ZMAT4: variants seen among roughly 807,000 people sequenced by gnomAD.
ZMAT4 encodes the protein zinc finger matrin-type 4.
ZMAT4 carries 17 observed loss-of-function variants against 28.7 expected under a neutral mutation model. The ratio of observed to expected loss-of-function variants is 0.59; its 90% confidence interval spans 0.41 to 0.89. The LOEUF (loss-of-function observed/expected upper bound fraction) is 0.89. Among genes scored for constraint, ZMAT4 ranks in the 40% least tolerant of loss-of-function variants. The pLI is 0.00. For missense variants in ZMAT4, 240 were observed against 283.8 expected, an observed-to-expected ratio of 0.85 and a Z score of 1.11; for synonymous variants, 117 against 109.2, an observed-to-expected ratio of 1.07 and a Z score of -0.44.
intron 5 of ZMAT4, among the ~76,000 whole-genome samples, chr8:40,666,008 C>T (rs1341520257): frequency 6.6e-6 from 1 of 152,048 alleles, no homozygotes; most frequent in East Asian, 1.9e-4. Flanking sequence ...TCCTCTGCAA[C>T]AATAAAATAA....
intron 1 of ZMAT4, among the ~76,000 whole-genome samples, chr8:40,862,318 G>A (rs1282449973): frequency 6.7e-6 from 1 of 149,124 alleles, no homozygotes; most frequent in East Asian, 2.0e-4. Context: ...ATTATCGCAA[G>A]GACAAAAAAC....
intron 1 of ZMAT4, among the ~76,000 whole-genome samples, chr8:40,894,022 C>T (rs1818784042): frequency 6.6e-6 from 1 of 152,228 alleles, no homozygotes; most frequent in Non-Finnish European, 1.5e-5. Context: ...CAACTATTAA[C>T]AGATTTAGGG....
At chr8:40,671,783 T>C (rs1808679978) in intron 5 of ZMAT4, among the ~76,000 whole-genome samples, 1 of 152,136 alleles carries the variant, frequency 6.6e-6, no homozygotes, top group Non-Finnish European at 1.5e-5. Flanking sequence ...GTAATATCTC[T>C]GCATTTCACT....
At chr8:40,584,891 C>A (rs561301139) in intron 5 of ZMAT4, among the ~76,000 whole-genome samples, 1 of 152,200 alleles carries the variant, frequency 6.6e-6, no homozygotes, top group Non-Finnish European at 1.5e-5. Flanking sequence ...ACCTTGGCCT[C>A]CCAAAGTGCT....
chr8:40,780,664 T>C (rs1813790314), intron 2 of ZMAT4, among the ~76,000 whole-genome samples: 1 of 152,048 alleles, frequency 6.6e-6, no homozygotes, highest in Non-Finnish European at 1.5e-5. Flanking sequence ...CATGAAATCA[T>C]AAAAAATATA....
intron 1 of ZMAT4, among the ~76,000 whole-genome samples, chr8:40,886,758 T>G (rs1818463834): frequency 6.6e-6 from 1 of 152,176 alleles, no homozygotes; most frequent in Non-Finnish European, 1.5e-5. Context: ...CTTTTTATTT[T>G]TCTTGATGTC....
intron 4 of ZMAT4, among the ~76,000 whole-genome samples, chr8:40,693,203 A>G (rs1809729231): frequency 6.6e-6 from 1 of 152,022 alleles, no homozygotes; most frequent in South Asian, 2.1e-4. Flanking sequence ...TGCAGCATCA[A>G]CCTCCCAGGC....
At chr8:40,535,159 G>A (rs957420399) in intron 6 of ZMAT4, among the ~76,000 whole-genome samples, 4 of 152,134 alleles carry the variant, frequency 2.6e-5, no homozygotes, top group Non-Finnish European at 5.9e-5. Context: ...GTGATGTTCA[G>A]CCCCTATTGA....
chr8:40,772,564 G>T (rs1216392179), intron 2 of ZMAT4, among the ~76,000 whole-genome samples: 1 of 152,202 alleles, frequency 6.6e-6, no homozygotes, highest in African/African-American at 2.4e-5. Flanking sequence ...AAGCAACCTT[G>T]TATTTGCATA....
At chr8:40,844,627 C>A (rs1213306309) in intron 1 of ZMAT4, among the ~76,000 whole-genome samples, 2 of 146,054 alleles carry the variant, frequency 1.4e-5, no homozygotes, top group African/African-American at 4.9e-5. Context: ...TCCTCTCTCT[C>A]TCCTCTCTCT....
chr8:40,752,086 C>A (rs1235949255), intron 3 of ZMAT4, among the ~76,000 whole-genome samples: 1 of 152,082 alleles, frequency 6.6e-6, no homozygotes, highest in Non-Finnish European at 1.5e-5. Context: ...TTTAAGTAAC[C>A]CCAGTCCTCC....
intron 6 of ZMAT4, among the ~76,000 whole-genome samples, chr8:40,549,459 G>C (rs558237369): frequency 6.6e-6 from 1 of 152,222 alleles, no homozygotes; most frequent in East Asian, 1.9e-4. Flanking sequence ...GGCCTAAAAT[G>C]CTTCACTGTC....
rs1027553952 is a variant in ZMAT4 at position 40,592,630 on chromosome 8, T to C, written c.578-11369A>G. Among the ~76,000 whole-genome samples, 60 of 152,214 alleles carry C rather than the reference T, an allele frequency of 3.9e-4. 1 individual carries two copies. The highest frequency in any genetic ancestry group is 2.9e-5 in the Non-Finnish European group (2 of 68,050). ...AATCTAAAGCTAGGGAATAAATTTA[T>C]TCTCAGTCATTAAAAGACAATTTTA... On this transcript the variant is annotated intron_variant, in intron 5 of 6. Transcript: ENST00000297737.
At chr8:40,850,276 C>T (rs575630915) in intron 1 of ZMAT4, among the ~76,000 whole-genome samples, 3 of 152,244 alleles carry the variant, frequency 2.0e-5, no homozygotes, top group Admixed American at 2.0e-4. Flanking sequence ...GAGCCCCACC[C>T]AATCTGCACC....
chr8:40,662,787 C>T (rs911714163), intron 5 of ZMAT4, among the ~76,000 whole-genome samples: 6 of 152,098 alleles, frequency 3.9e-5, no homozygotes, highest in Non-Finnish European at 5.9e-5. Context: ...CAATAGGAAA[C>T]GTTGACCTTG....
chr8:40,696,619 G>C (rs970023473), intron 4 of ZMAT4, among the ~76,000 whole-genome samples: 1 of 152,054 alleles, frequency 6.6e-6, no homozygotes, highest in African/African-American at 2.4e-5. Context: ...TCAAATCATC[G>C]GTTATCAATA....
chr8:40,783,753 G>A (rs548943031), intron 2 of ZMAT4, among the ~76,000 whole-genome samples: 3 of 152,168 alleles, frequency 2.0e-5, no homozygotes, highest in Non-Finnish European at 4.4e-5. Flanking sequence ...GCTCACGCTT[G>A]TAATCCCAGC....
Position 40,834,847 on chromosome 8 carries a change from G to A in ZMAT4, c.-4-9167C>T, listed in dbSNP as rs1181623033. Among the ~76,000 whole-genome samples the A allele has an allele frequency of 2.6e-5, 4 of 152,306 alleles. No individual in the cohort carries two copies. In the East Asian group the frequency reaches 7.7e-4, roughly 29 times the overall value. On this transcript the variant is annotated intron_variant, in intron 1 of 6. Transcript: ENST00000297737. Reference sequence around the variant, plus strand: ...GAGACCAGGGATCTGAGTACCAGAGGCAGGTGGGGACTAGCAGAGACTCTG... The same window carrying A: ...GAGACCAGGGATCTGAGTACCAGAGACAGGTGGGGACTAGCAGAGACTCTG...
intron 6 of ZMAT4, among the ~76,000 whole-genome samples, chr8:40,547,455 G>A (rs745471570): frequency 1.2e-4 from 18 of 152,308 alleles, no homozygotes; most frequent in South Asian, 6.2e-4. Context: ...AGGATAGGGC[G>A]TGGACCTTGG....
Sources: gnomAD v4.1 joint callset for allele counts (sites outside exome capture counted in the v4.1 genomes callset) on GRCh38, gnomAD v4.1.1 for gene constraint, MANE v1.5 for transcripts, NCBI Gene and HGNC (gene_info 2026-07-23, HGNC 2026-07-21) for gene names.